The following FARSB variants were observed in gnomAD, a reference collection of about 807,000 sequenced individuals.
FARSB encodes the protein phenylalanine--tRNA ligase beta subunit.
A neutral mutation model predicts 69.6 loss-of-function variants in FARSB; 40 were observed. The observed-to-expected ratio is 0.57, with a 90% CI of 0.45 to 0.75. The LOEUF is 0.75. Among genes scored for constraint, FARSB ranks in the 30% least tolerant of loss-of-function variants. FARSB has a pLI of 0.00. For missense variants in FARSB, 632 were observed against 722.9 expected (o/e 0.87, Z 1.44); for synonymous variants, 235 against 247.2 (o/e 0.95, Z 0.46).
At chr2:222,615,157 G>A (rs191573388) in intron 14 of FARSB, among the ~76,000 whole-genome samples, 1 of 152,082 alleles carries the variant, frequency 6.6e-6, no homozygotes, top group Admixed American at 6.6e-5. Flanking sequence ...TAAGCTATAC[G>A]GAATATATTA....
At chr2:222,604,722 A>ATTTTTTTTTTTTTTTTTTT (rs56201038) in intron 15 of FARSB, among the ~76,000 whole-genome samples, 5 of 110,714 alleles carry the variant, frequency 4.5e-5, no homozygotes, top group Non-Finnish European at 7.0e-5. Context: ...TGCCCACTGA[A>ATTTTTTTTTTTTTTTTTTT]TTTTTTTTTT....
At chr2:222,579,704 A>G (rs1029425775) in intron 16 of FARSB, among the ~76,000 whole-genome samples, 2 of 152,236 alleles carry the variant, frequency 1.3e-5, no homozygotes, top group African/African-American at 4.8e-5. Context: ...TATGAAAAAA[A>G]TAGATACTAG....
intron 2 of FARSB, among the ~76,000 whole-genome samples, chr2:222,644,817 T>C (rs1691807005): frequency 6.6e-6 from 1 of 152,128 alleles, no homozygotes; most frequent in East Asian, 1.9e-4. Flanking sequence ...TAAAATAATA[T>C]ACTATAATAA....
In FARSB at chr2:222,648,787, C is replaced by T. The variant is rs768183419; in HGVS notation, c.67G>A (p.Glu23Lys). The T allele has an allele frequency of 5.0e-6, 8 of 1,601,142 alleles. No homozygotes were observed. Among genetic ancestry groups the T allele is most frequent in the Middle Eastern group, 1.7e-4 (1 of 6,020 alleles). ...QALGRTYTDE[E>K]FDELCFEFGL... ...AATTCAAAACATAGTTCATCAAATT[C>T]TTCGTCAGCTAGGAAAATAAAAAAG... The change falls in exon 2 of 17, where the codon GAA becomes AAA. Residue 23 changes from glutamate to lysine, a missense_variant. By Grantham distance (56) the Glu-to-Lys change is moderately conservative. Coordinates refer to ENST00000281828, the MANE Select transcript of FARSB (RefSeq NM_005687.5).
intron 2 of FARSB, 36 bp downstream of exon 2, chr2:222,648,704 C>A (rs1461564377): frequency 2.3e-6 from 3 of 1,313,132 alleles, no homozygotes; most frequent in Non-Finnish European, 2.2e-6. Context: ...CTTATGCACA[C>A]AATCTTTGAA....
intron 2 of FARSB, among the ~76,000 whole-genome samples, chr2:222,645,753 C>T (rs1574953855): frequency 6.6e-6 from 1 of 151,484 alleles, no homozygotes; most frequent in South Asian, 2.1e-4. Flanking sequence ...TTGTCATTGA[C>T]CCCATAATTT....
intron 4 of FARSB, among the ~76,000 whole-genome samples, chr2:222,640,377 A>G (rs1442070817): frequency 1.3e-5 from 2 of 151,768 alleles, no homozygotes; most frequent in Non-Finnish European, 2.9e-5. Context: ...GTACTCCCAA[A>G]TACTCAAGAA....
chr2:222,578,389 A>C (rs1182804394), intron 16 of FARSB, among the ~76,000 whole-genome samples: 5 of 152,228 alleles, frequency 3.3e-5, no homozygotes, highest in African/African-American at 1.2e-4. Context: ...AAAGAATGGA[A>C]ATGTCGACTA....
At chr2:222,649,668 G>A (rs1392768991) in intron 1 of FARSB, among the ~76,000 whole-genome samples, 2 of 152,196 alleles carry the variant, frequency 1.3e-5, no homozygotes, top group East Asian at 1.9e-4. Flanking sequence ...CTATTGGAAA[G>A]ATTTAAATGC....
chr2:222,610,418 T>C (rs930500745), intron 15 of FARSB, among the ~76,000 whole-genome samples: 2 of 152,032 alleles, frequency 1.3e-5, no homozygotes, highest in Non-Finnish European at 2.9e-5. Flanking sequence ...AGGTGACGAA[T>C]TACTCAAAAA....
chr2:222,654,697 T>C (rs1692125692), intron 1 of FARSB, among the ~76,000 whole-genome samples: 1 of 152,200 alleles, frequency 6.6e-6, no homozygotes, highest in African/African-American at 2.4e-5. Context: ...TTACGAAGAA[T>C]ATCACATAGA....
intron 5 of FARSB, among the ~76,000 whole-genome samples, chr2:222,636,568 T>C (rs1261634490): frequency 6.6e-6 from 1 of 151,962 alleles, no homozygotes; most frequent in Non-Finnish European, 1.5e-5. Flanking sequence ...GTTTACAACA[T>C]ATATACAGTA....
intron 16 of FARSB, among the ~76,000 whole-genome samples, chr2:222,596,376 C>T (rs1574920463): frequency 6.6e-6 from 1 of 152,120 alleles, no homozygotes. Flanking sequence ...ATCCCTACCA[C>T]CAAACAAAGC....
intron 9 of FARSB, 46 bp downstream of exon 9, chr2:222,630,067 G>T: frequency 8.6e-7 from 1 of 1,157,130 alleles, no homozygotes; most frequent in Non-Finnish European, 1.3e-6. Context: ...ACAAAGCCTC[G>T]CCTTCAGAAC....
At chr2:222,618,557 G>T (rs1251085836) in intron 14 of FARSB, among the ~76,000 whole-genome samples, 4 of 152,090 alleles carry the variant, frequency 2.6e-5, no homozygotes, top group Non-Finnish European at 4.4e-5. Flanking sequence ...GTATAAAAGA[G>T]AACTATTTAA....
At chr2:222,645,784 A>G (rs943861985) in intron 2 of FARSB, among the ~76,000 whole-genome samples, 9 of 152,142 alleles carry the variant, frequency 5.9e-5, no homozygotes, top group African/African-American at 2.2e-4. Context: ...AGGTCCCATA[A>G]TCACATTTTT....
At chr2:222,604,217 TA>T (rs781762522) in intron 15 of FARSB, among the ~76,000 whole-genome samples, 486 of 130,642 alleles carry the variant, frequency 3.7e-3, no homozygotes, top group Non-Finnish European at 3.3e-3. Flanking sequence ...GACTCCGTCT[TA>T]AAAAAAAAAA....
chr2:222,639,682 C>T lies in FARSB; in HGVS notation c.353G>A (p.Arg118His), dbSNP rs887797070. ...LIITEETAKI[R>H]PFAVAAVLRN... ...GAGAACTGCTGCTACCGCAAAAGGA[C>T]GTATCTTAGCTGTCTGAAATTCATA... The change falls in exon 5 of 17, where the codon CGT becomes CAT. Residue 118 changes from arginine (R) to histidine (H), a missense_variant. By Grantham distance (29) the Arg-to-His change is conservative. Transcript: ENST00000281828. The T allele has an allele frequency of 7.1e-6, 11 of 1,541,666 alleles. No homozygotes were observed. The East Asian group carries it at 1.4e-4, about 20-fold the overall frequency.
chr2:222,590,730 G>GT (rs1690247566), intron 16 of FARSB, among the ~76,000 whole-genome samples: 1 of 152,168 alleles, frequency 6.6e-6, no homozygotes, highest in Non-Finnish European at 1.5e-5. Flanking sequence ...ATAATGCAAT[G>GT]TCTTAGATTT....
Sources: gnomAD v4.1 joint callset for allele counts (sites outside exome capture counted in the v4.1 genomes callset) on GRCh38, gnomAD v4.1.1 for gene constraint, MANE v1.5 for transcripts, NCBI Gene and HGNC (gene_info 2026-07-23, HGNC 2026-07-21) for gene names.